Variants in SLIT2 observed in about 807,000 individuals in gnomAD.
SLIT2 encodes the protein slit homolog 2 protein.
SLIT2 carries 41 observed loss-of-function variants against 185.7 expected under a neutral mutation model. The ratio of observed to expected loss-of-function variants is 0.22; its 90% confidence interval spans 0.17 to 0.29. The LOEUF is 0.29. SLIT2 is among the 10% of genes least tolerant of loss of function. The pLI is 1.00. For synonymous variants in SLIT2, 693 were observed against 680.2 expected, an observed-to-expected ratio of 1.02 and a Z score of -0.29; for missense variants, 1,571 against 1,909.0, an observed-to-expected ratio of 0.82 and a Z score of 3.30.
intron 26 of SLIT2, among the ~76,000 whole-genome samples, chr4:20,563,707 GTTGAAAT>G (rs1411958423): frequency 6.6e-6 from 1 of 151,278 alleles, no homozygotes; most frequent in Non-Finnish European, 1.5e-5. Context: ...CTTTGTCTGT[GTTGAAAT>G]TTGGACAAAC....
intron 30 of SLIT2, among the ~76,000 whole-genome samples, chr4:20,592,646 T>C (rs1727601298): frequency 6.6e-6 from 1 of 152,170 alleles, no homozygotes; most frequent in African/African-American, 2.4e-5. Flanking sequence ...TTTGATTTCT[T>C]TTTTCAGATA....
At chr4:20,436,866 G>A (rs1729374429) in intron 4 of SLIT2, among the ~76,000 whole-genome samples, 1 of 152,130 alleles carries the variant, frequency 6.6e-6, no homozygotes, top group Non-Finnish European at 1.5e-5. Flanking sequence ...TTTTGGTCAT[G>A]ATCAATAATA....
chr4:20,560,095 G>GT (rs546920920), intron 26 of SLIT2, among the ~76,000 whole-genome samples: 115 of 151,834 alleles, frequency 7.6e-4, no homozygotes, highest in African/African-American at 2.6e-3. Context: ...TATAATTGAG[G>GT]TTTACATATT....
chr4:20,554,193 T>G (rs1724033938), intron 26 of SLIT2: 8 of 597,548 alleles, frequency 1.3e-5, no homozygotes, highest in Non-Finnish European at 3.0e-6. Flanking sequence ...GACCAAGTTT[T>G]CTTGAAAGTG....
intron 33 of SLIT2, among the ~76,000 whole-genome samples, chr4:20,600,115 TA>T (rs1728291532): frequency 6.6e-6 from 1 of 152,196 alleles, no homozygotes; most frequent in African/African-American, 2.4e-5. Context: ...TTTCAGCCCA[TA>T]AAAAGATTTC....
chr4:20,328,658 G>A (rs1213578066), intron 4 of SLIT2, among the ~76,000 whole-genome samples: 2 of 151,950 alleles, frequency 1.3e-5, no homozygotes, highest in African/African-American at 2.4e-5. Context: ...TTTTTAAAAC[G>A]TTATTAGATT....
intron 5 of SLIT2, among the ~76,000 whole-genome samples, chr4:20,468,977 C>T (rs1714666074): frequency 6.6e-6 from 1 of 151,964 alleles, no homozygotes; most frequent in Admixed American, 6.6e-5. Context: ...TTTGAACTTG[C>T]ACTTTCTAAA....
intron 4 of SLIT2, among the ~76,000 whole-genome samples, chr4:20,424,516 T>G (rs894985834): frequency 1.3e-5 from 2 of 152,114 alleles, no homozygotes; most frequent in African/African-American, 4.8e-5. Flanking sequence ...AGTAACCATT[T>G]ATTCACAGAA....
In SLIT2 at chr4:20,620,500, TC is replaced by T. The variant is rs1266928542; in HGVS notation, c.*1493del. 4.6e-6 allele frequency: 2 copies of T among 434,928 alleles called. No individual in the cohort carries two copies. The highest frequency in any genetic ancestry group is 2.6e-5 in the Admixed American group (1 of 37,854). 26.9% of individuals were successfully genotyped at this position (434,928 alleles called of 1,614,324 possible). On this transcript the variant is annotated 3_prime_UTR_variant, in exon 37 of 37. Coordinates refer to ENST00000504154, the MANE Select transcript of SLIT2 (RefSeq NM_004787.4). ...TATAATTCAGTGTGCTTTGTCTTTC[TC>T]CAGATTAATATCGGTTACACTGCTG...
intron 24 of SLIT2, among the ~76,000 whole-genome samples, chr4:20,550,178 C>A (rs1577907850): frequency 6.6e-6 from 1 of 152,156 alleles, no homozygotes; most frequent in African/African-American, 2.4e-5. Context: ...CAAAGTTATT[C>A]TGCGTTCCTG....
At chr4:20,294,897 G>GTA (rs1322865055) in intron 4 of SLIT2, among the ~76,000 whole-genome samples, 2 of 152,140 alleles carry the variant, frequency 1.3e-5, no homozygotes. Flanking sequence ...GGTCTGAATG[G>GTA]TATATCACAC....
At position 20,542,624 on chromosome 4, in the gene SLIT2, G is replaced by T; in HGVS notation, c.2274G>T (p.Glu758Asp). Residue 758 changes from glutamate (E) to aspartate (D), a missense_variant and splice_region_variant, in exon 21 of 37, where the codon GAG becomes GAT. Transcript: ENST00000504154. ...LPKGIPRDVT[E>D]LYLDGNQFTL... ...AAGGTATTCCAAGAGATGTCACAGA[G>T]TTGTAAGTAGAGCTTGTCTTTCTTT... 1 of 1,613,350 alleles carries T rather than the reference G, an allele frequency of 6.2e-7. No homozygotes were observed. The highest frequency in any genetic ancestry group is 1.1e-5 in the South Asian group (1 of 90,856).
chr4:20,264,379 A>G (rs1363486187), intron 3 of SLIT2, among the ~76,000 whole-genome samples: 2 of 151,828 alleles, frequency 1.3e-5, no homozygotes, highest in African/African-American at 4.8e-5. Context: ...AACATTTATT[A>G]CAGACCTAGC....
chr4:20,595,895 T>C, intron 31 of SLIT2, 61 bp downstream of exon 31: 1 of 1,338,802 alleles, frequency 7.5e-7, no homozygotes, highest in Non-Finnish European at 1.1e-6. Flanking sequence ...AGGGTGACTA[T>C]AGTCAGTAAT....
Position 20,595,749 on chromosome 4 carries a change from G to A in SLIT2, c.3235G>A (p.Asp1079Asn), listed in dbSNP as rs756121317. The A allele has an allele frequency of 1.2e-5, 20 of 1,614,046 alleles. No individual in the cohort carries two copies. The highest frequency in any genetic ancestry group is 1.7e-5 in the Admixed American group (1 of 59,998). ...VGEHCDIDFD[D>N]CQDNKCKNGA... ...TGAACACTGCGACATCGATTTTGAC[G>A]ACTGCCAAGACAACAAGTGTAAAAA... Residue 1079 changes from aspartate to asparagine, a missense_variant, in exon 31 of 37, where the codon GAC (aspartate) becomes AAC (asparagine). Transcript: ENST00000504154.
intron 4 of SLIT2, among the ~76,000 whole-genome samples, chr4:20,385,557 A>G (rs1724868580): frequency 6.6e-6 from 1 of 152,166 alleles, no homozygotes; most frequent in African/African-American, 2.4e-5. Flanking sequence ...TTTTGCAGTC[A>G]TATCTGCACC....
rs932497930 is a variant in SLIT2 at position 20,619,882 on chromosome 4, G to C, written c.*873G>C. 7.1e-6 allele frequency: 1 copy of C among 139,948 alleles called. No individual in the cohort carries two copies. The highest frequency in any genetic ancestry group is 1.6e-5 in the Non-Finnish European group (1 of 64,482). 8.7% of individuals were successfully genotyped at this position (139,948 alleles called of 1,614,324 possible). A position where few individuals can be genotyped will look rare whatever the true frequency, so the allele number is the denominator to read the frequency against. On this transcript the variant is annotated 3_prime_UTR_variant, in exon 37 of 37. Transcript: ENST00000504154. Reference sequence around the variant, plus strand: ...AATTTATAATTATCCTGATATTTTTGTACATTTTTCAAACTTAAAAATCAG... The same window carrying C: ...AATTTATAATTATCCTGATATTTTTCTACATTTTTCAAACTTAAAAATCAG...
rs1420526123 is a variant in SLIT2, at chr4:20,294,255, A to G, written c.395+25374A>G. 3.9e-5 allele frequency among the ~76,000 whole-genome samples: 6 copies of G among 151,928 alleles called. No individual in the cohort carries two copies. The East Asian group carries it at 9.7e-4, about 25-fold the overall frequency. ...CCCAGCTACATCATGAGTCTGACGC[A>G]CAAGAATTGCTTGAACCCAAGAGAC... On this transcript the variant is annotated intron_variant, in intron 4 of 36. Coordinates refer to ENST00000504154, the MANE Select transcript of SLIT2 (RefSeq NM_004787.4).
At chr4:20,489,032 G>A in intron 8 of SLIT2, 50 bp downstream of exon 8, 2 of 1,460,952 alleles carry the variant, frequency 1.4e-6, no homozygotes, top group Non-Finnish European at 1.9e-6. Context: ...ATCCTGTTAT[G>A]TAACAGAATG....
Sources: allele counts gnomAD v4.1 joint callset (sites outside exome capture counted in the v4.1 genomes callset), GRCh38; gene constraint gnomAD v4.1.1; transcripts MANE v1.5; gene names NCBI Gene and HGNC (gene_info 2026-07-23, HGNC 2026-07-21).